USP50: variants seen among roughly 807,000 people sequenced by gnomAD.
USP50 encodes ubiquitin carboxyl-terminal hydrolase 50.
A neutral mutation model predicts 39.2 loss-of-function variants in USP50; 37 were observed. That is an observed-to-expected ratio of 0.94 (90% CI 0.73 to 1.24). USP50 has a LOEUF of 1.24. USP50 is among the 50% of genes most tolerant of loss of function. The pLI is 0.00. For missense variants in USP50, 374 were observed against 398.2 expected (o/e 0.94, Z 0.52); for synonymous variants, 139 against 144.5 (o/e 0.96, Z 0.27).
downstream of USP50, chr15:50,498,942 T>A: frequency 1.9e-6 from 3 of 1,613,974 alleles, no homozygotes; most frequent in East Asian, 6.7e-5. Flanking sequence ...CTACACAGCC[T>A]ATTGTAAAAA....
At chr15:50,533,222 G>C (rs1310798074) in intron 5 of USP50, among the ~76,000 whole-genome samples, 3 of 149,016 alleles carry the variant, frequency 2.0e-5, no homozygotes, top group East Asian at 3.9e-4. Context: ...AATATCCAGG[G>C]ACTGTGGGAC....
At chr15:50,530,244 CTGCACTCCAGCCTGGGTGACAGAG>C (rs1406481345) in intron 5 of USP50, among the ~76,000 whole-genome samples, 1 of 151,942 alleles carries the variant, frequency 6.6e-6, no homozygotes, top group Non-Finnish European at 1.5e-5. Context: ...GATTGTGCCA[CTGCACTCCAGCCTGGGTGACAGAG>C]TGAGACCCTG....
chr15:50,513,773 G>A (rs2052770950), intron 6 of USP50: 1 of 152,212 alleles, frequency 6.6e-6, no homozygotes, highest in African/African-American at 2.4e-5. Flanking sequence ...ACTACCAAGT[G>A]TTAACAAGGA....
At chr15:50,517,472 CAA>C (rs55860665) in intron 6 of USP50, among the ~76,000 whole-genome samples, 37 of 141,022 alleles carry the variant, frequency 2.6e-4, no homozygotes, top group Non-Finnish European at 3.1e-4. Flanking sequence ...AACTCCATCT[CAA>C]AAAAAAAAAA....
chr15:50,526,435 T>C (rs183515796), intron 6 of USP50, among the ~76,000 whole-genome samples: 1 of 152,320 alleles, frequency 6.6e-6, no homozygotes, highest in African/African-American at 2.4e-5. Context: ...CTGAAGTATT[T>C]CATTGTTTTA....
At chr15:50,519,240 T>A (rs1032368505) in intron 6 of USP50, among the ~76,000 whole-genome samples, 7 of 151,676 alleles carry the variant, frequency 4.6e-5, no homozygotes, top group Admixed American at 3.9e-4. Context: ...TGAGCTGAGA[T>A]CACATGACTG....
At chr15:50,501,459 G>GT (rs2052586710) in intron 6 of USP50, 6 of 152,058 alleles carry the variant, frequency 3.9e-5, no homozygotes, top group Admixed American at 3.9e-4. Context: ...GGGTGACAGA[G>GT]TGAGACCCTG....
intron 4 of USP50, 69 bp from the exon 5 acceptor site, chr15:50,538,920 G>A (rs2053005924): frequency 6.7e-7 from 1 of 1,487,434 alleles, no homozygotes; most frequent in Non-Finnish European, 9.0e-7. Context: ...TGTTTCTATT[G>A]GAACTTTGCA....
intron 5 of USP50, among the ~76,000 whole-genome samples, chr15:50,535,008 G>A (rs976191121): frequency 1.3e-5 from 2 of 152,032 alleles, no homozygotes; most frequent in African/African-American, 4.8e-5. Flanking sequence ...AGGTGTGGTG[G>A]CACGCACCTG....
chr15:50,522,799 C>A (rs1360418700), intron 6 of USP50, among the ~76,000 whole-genome samples: 1 of 152,172 alleles, frequency 6.6e-6, no homozygotes, highest in Non-Finnish European at 1.5e-5. Flanking sequence ...GTGTGTGCCA[C>A]CACGCCAGGC....
chr15:50,524,348 G>A (rs1355330317), intron 6 of USP50, among the ~76,000 whole-genome samples: 1 of 152,104 alleles, frequency 6.6e-6, no homozygotes, highest in African/African-American at 2.4e-5. Context: ...ACAAAGAATA[G>A]GTGAAAATAT....
intron 2 of USP50, 42 bp from the exon 3 acceptor site, chr15:50,543,835 A>G (rs1343300491): frequency 8.9e-6 from 14 of 1,564,530 alleles, no homozygotes; most frequent in Non-Finnish European, 1.2e-5. Flanking sequence ...GATTTAATGA[A>G]AAGAAGGCAC....
chr15:50,499,655 T>C (rs2052541962), downstream of USP50: 1 of 152,156 alleles, frequency 6.6e-6, no homozygotes, highest in African/African-American at 2.4e-5. Context: ...GCAATTTTTC[T>C]GTTGGCTTTG....
chr15:50,496,277 C>G (rs1029486538), downstream of USP50, among the ~76,000 whole-genome samples: 6 of 151,942 alleles, frequency 3.9e-5, no homozygotes, highest in African/African-American at 1.5e-4. Context: ...GTCAGGAGAT[C>G]GAGACCATCC....
chr15:50,543,660 G>C lies in USP50; in HGVS notation c.382C>G (p.Gln128Glu). ...NLYPAFTKKM[Q>E]QDAQEFLICV... ...ATCAAGAATTCCTGAGCATCTTGTT[G>C]CATCTTTTTCGTAAATGCTGGGTAG... is the stretch of plus-strand genomic sequence containing the variant. The change falls in exon 3 of 7, where the codon CAA (glutamine) becomes GAA (glutamate). Residue 128 changes from glutamine to glutamate, a missense_variant. Transcript: ENST00000532404. 6.2e-7 allele frequency: 1 copy of C among 1,613,624 alleles called. No homozygotes were observed. The highest frequency in any genetic ancestry group is 1.1e-5 in the South Asian group (1 of 90,968).
chr15:50,527,638 ATTG>A (rs1280941548), intron 6 of USP50, among the ~76,000 whole-genome samples: 4 of 142,840 alleles, frequency 2.8e-5, no homozygotes, highest in Middle Eastern at 3.6e-3. Context: ...TTAGTTTTTT[ATTG>A]TTGTTTTTTT....
intron 5 of USP50, among the ~76,000 whole-genome samples, chr15:50,538,126 A>T (rs117733925): frequency 1.3e-5 from 2 of 151,110 alleles, no homozygotes; most frequent in East Asian, 3.9e-4. Flanking sequence ...ATACAAAAAA[A>T]ATTAGCTGGG....
chr15:50,529,349 TAA>T (rs60643073), intron 6 of USP50, among the ~76,000 whole-genome samples: 60 of 134,476 alleles, frequency 4.5e-4, no homozygotes, highest in African/African-American at 8.0e-4. Context: ...ATCTCTACTT[TAA>T]AAAAAAAAAA....
At chr15:50,497,072 T>C, downstream of USP50, 1 of 1,587,356 alleles carries the variant, frequency 6.3e-7, no homozygotes. Flanking sequence ...TATCTGCTAC[T>C]TGTTTTTTTC....
Sources: allele counts gnomAD v4.1 joint callset (sites outside exome capture counted in the v4.1 genomes callset), GRCh38; gene constraint gnomAD v4.1.1; transcripts MANE v1.5; gene names NCBI Gene and HGNC (gene_info 2026-07-23, HGNC 2026-07-21).